The following PPP1R12B variants were observed in gnomAD, a reference collection of about 807,000 sequenced individuals.
PPP1R12B encodes myosin phosphatase target subunit 2.
A neutral mutation model predicts 126.1 loss-of-function variants in PPP1R12B; 76 were observed. The observed-to-expected ratio is 0.60, with a 90% CI of 0.50 to 0.73. The LOEUF (loss-of-function observed/expected upper bound fraction) is 0.73, where lower values mean the gene tolerates loss of function less well. PPP1R12B is among the 30% of genes least tolerant of loss of function. The pLI, the probability that PPP1R12B is intolerant of heterozygous loss-of-function variation, is 0.00. For synonymous variants in PPP1R12B, 356 were observed against 434.7 expected (o/e 0.82, Z 2.25); for missense variants, 1,052 against 1,205.1 (o/e 0.87, Z 1.88).
intron 1 of PPP1R12B, among the ~76,000 whole-genome samples, chr1:202,389,581 C>T (rs1663761832): frequency 6.6e-6 from 1 of 151,398 alleles, no homozygotes; most frequent in South Asian, 2.1e-4. Flanking sequence ...GTGGAGCTTG[C>T]AGTGAGCCGA....
At chr1:202,349,622 C>T (rs61821698) in intron 1 of PPP1R12B, among the ~76,000 whole-genome samples, 6,841 of 152,184 alleles carry the variant, frequency 0.045, 236 homozygotes, top group South Asian at 0.13. Context: ...TGAAACCACA[C>T]CTCTTGTTTT....
intron 2 of PPP1R12B, among the ~76,000 whole-genome samples, chr1:202,421,569 C>G (rs914156077): frequency 1.3e-5 from 2 of 150,002 alleles, no homozygotes; most frequent in Admixed American, 1.3e-4. Flanking sequence ...GAACCTGGAA[C>G]GTGGAGGTTG....
intron 21 of PPP1R12B, among the ~76,000 whole-genome samples, chr1:202,567,055 T>G (rs1359148326): frequency 6.6e-6 from 1 of 152,232 alleles, no homozygotes; most frequent in East Asian, 1.9e-4. Flanking sequence ...TGAGGCTAAG[T>G]CTTTTCAGCC....
intron 12 of PPP1R12B, among the ~76,000 whole-genome samples, chr1:202,444,562 C>G (rs1672008388): frequency 6.6e-6 from 1 of 152,192 alleles, no homozygotes; most frequent in African/African-American, 2.4e-5. Flanking sequence ...TAAATCTCTG[C>G]TCCACAACCT....
intron 1 of PPP1R12B, among the ~76,000 whole-genome samples, chr1:202,408,169 A>G (rs1198690745): frequency 6.6e-6 from 1 of 152,088 alleles, no homozygotes; most frequent in Non-Finnish European, 1.5e-5. Flanking sequence ...TTGGCATATG[A>G]TTTCTTGGCC....
intron 1 of PPP1R12B, among the ~76,000 whole-genome samples, chr1:202,371,695 T>G (rs2148451471): frequency 6.6e-6 from 1 of 152,220 alleles, no homozygotes; most frequent in African/African-American, 2.4e-5. Context: ...TGATTTAAGA[T>G]TTACAAAAAA....
chr1:202,454,199 T>A (rs1490372607), intron 13 of PPP1R12B, among the ~76,000 whole-genome samples: 2 of 152,208 alleles, frequency 1.3e-5, no homozygotes, highest in Non-Finnish European at 2.9e-5. Flanking sequence ...TACTGCCTTC[T>A]GGAAATGTTG....
At chr1:202,526,939 G>A (rs2148928798) in intron 18 of PPP1R12B, among the ~76,000 whole-genome samples, 1 of 152,224 alleles carries the variant, frequency 6.6e-6, no homozygotes, top group African/African-American at 2.4e-5. Context: ...AGTAGCTAAA[G>A]AGAGAAAACT....
intron 12 of PPP1R12B, among the ~76,000 whole-genome samples, chr1:202,447,831 T>G (rs1304242550): frequency 6.6e-6 from 1 of 152,216 alleles, no homozygotes; most frequent in Non-Finnish European, 1.5e-5. Flanking sequence ...TCCTATAGAT[T>G]CGTATCTTGT....
At chr1:202,357,708 A>G (rs1022634740) in intron 1 of PPP1R12B, among the ~76,000 whole-genome samples, 1 of 152,084 alleles carries the variant, frequency 6.6e-6, no homozygotes, top group African/African-American at 2.4e-5. Context: ...ACTCATTAGC[A>G]CTTCCACTGG....
At chr1:202,502,334 G>A in intron 18 of PPP1R12B, 2 of 985,368 alleles carry the variant, frequency 2.0e-6, no homozygotes, top group South Asian at 9.4e-5. Context: ...GCTATTAAAT[G>A]CAAGGTTTTC....
intron 18 of PPP1R12B, among the ~76,000 whole-genome samples, chr1:202,511,257 C>T (rs1681468773): frequency 6.6e-6 from 1 of 151,446 alleles, no homozygotes; most frequent in East Asian, 1.9e-4. Flanking sequence ...CCTTCTGTCG[C>T]CCAGGCTGGA....
chr1:202,420,967 C>CTTTTTTTTTTTTTTTTTTTTTTTT (rs56164548), intron 2 of PPP1R12B, among the ~76,000 whole-genome samples: 2 of 118,546 alleles, frequency 1.7e-5, no homozygotes, highest in African/African-American at 6.8e-5. Flanking sequence ...CCTCTGCCAA[C>CTTTTTTTTTTTTTTTTTTTTTTTT]TTTTTTTTTT....
intron 18 of PPP1R12B, among the ~76,000 whole-genome samples, chr1:202,507,598 C>T (rs188607573): frequency 2.6e-5 from 4 of 152,240 alleles, no homozygotes; most frequent in African/African-American, 9.6e-5. Flanking sequence ...TTTTAAAAAA[C>T]GTATTCAAAA....
chr1:202,431,898 C>T (rs1571983618), intron 8 of PPP1R12B, among the ~76,000 whole-genome samples: 1 of 152,214 alleles, frequency 6.6e-6, no homozygotes, highest in South Asian at 2.1e-4. Flanking sequence ...AGGCCAAGTG[C>T]GGTGGCTTGC....
At chr1:202,578,328 C>A (rs551714129) in intron 23 of PPP1R12B, among the ~76,000 whole-genome samples, 1 of 152,304 alleles carries the variant, frequency 6.6e-6, no homozygotes, top group South Asian at 2.1e-4. Context: ...CTTCTTCCTA[C>A]CTATTATGGA....
intron 3 of PPP1R12B, 69 bp from the exon 4 acceptor site, chr1:202,425,497 A>G: frequency 6.6e-7 from 1 of 1,509,236 alleles, no homozygotes; most frequent in Non-Finnish European, 9.1e-7. Context: ...CTTTAATCTA[A>G]GGAAAATATC....
At chr1:202,432,896 A>G (rs1369741317) in intron 8 of PPP1R12B, among the ~76,000 whole-genome samples, 5 of 152,194 alleles carry the variant, frequency 3.3e-5, no homozygotes, top group Admixed American at 6.5e-5. Context: ...TTGTCTGGCC[A>G]CCAGCTCCTG....
At chr1:202,389,333 CTT>C (rs1314413650) in intron 1 of PPP1R12B, among the ~76,000 whole-genome samples, 1 of 152,142 alleles carries the variant, frequency 6.6e-6, no homozygotes, top group African/African-American at 2.4e-5. Flanking sequence ...GTAATGAACT[CTT>C]TATATAAACA....
Sources: gnomAD v4.1 joint callset for allele counts (sites outside exome capture counted in the v4.1 genomes callset) on GRCh38, gnomAD v4.1.1 for gene constraint, MANE v1.5 for transcripts, NCBI Gene and HGNC (gene_info 2026-07-23, HGNC 2026-07-21) for gene names.